ITIH6: variants seen among roughly 807,000 people sequenced by gnomAD.
ITIH6 encodes the protein inter-alpha-trypsin inhibitor heavy chain family member 6, also known as inter-alpha-trypsin inhibitor heavy chain H6.
Under a neutral mutation model 58.2 loss-of-function variants are expected in ITIH6, and 60 were observed. The observed-to-expected ratio is 1.03, with a 90% CI of 0.84 to 1.28. ITIH6 has a LOEUF of 1.28. Among genes scored for constraint, ITIH6 ranks in the 50% most tolerant of loss-of-function variants. The pLI, the probability that ITIH6 is intolerant of heterozygous loss-of-function variation, is 0.00. For missense variants in ITIH6, 1,290 were observed against 1,021.1 expected (o/e 1.26, Z -3.59); for synonymous variants, 493 against 417.4 (o/e 1.18, Z -2.21).
chrX:54,758,791 G>A lies in ITIH6; in HGVS notation c.1283C>T (p.Ala428Val). 1 of 1,209,633 alleles carries A rather than the reference G, an allele frequency of 8.3e-7. No homozygotes were observed. Among genetic ancestry groups the A allele is most frequent in the Non-Finnish European group, 1.1e-6 (1 of 894,009 alleles). The change falls in exon 8 of 13, where the codon GCC becomes GTC. Residue 428 changes from alanine (A) to valine (V), a missense_variant. Physicochemically the swap from Ala to Val is moderately conservative, Grantham distance 64. Transcript: ENST00000218436. ...LGHRVSLFSLAFGDDADFTLL... is the reference protein window; with the variant it reads ...LGHRVSLFSLVFGDDADFTLL... The stretch of plus-strand genomic sequence containing the variant: ...TGTAAAGTCAGCATCATCCCCAAAG[G>A]CCAAGCTGAAAAGGGATACCCTGTG...
chrX:54,762,903 C>G (rs760651951), intron 6 of ITIH6, among the ~76,000 whole-genome samples: 3 of 111,750 alleles, frequency 2.7e-5, no homozygotes, highest in African/African-American at 9.8e-5. Flanking sequence ...AGGCACTGTG[C>G]TTAACCCTTT....
chrX:54,794,225 C>T (rs1929400759), intron 2 of ITIH6, among the ~76,000 whole-genome samples: 1 of 110,736 alleles, frequency 9.0e-6, no homozygotes, highest in Non-Finnish European at 1.9e-5. Flanking sequence ...GCTGGTCTGG[C>T]AGCAGGACAC....
chrX:54,798,181 G>A lies in ITIH6; in HGVS notation c.30C>T (p.Val10=). The A allele has an allele frequency of 8.5e-7, 1 of 1,183,174 alleles. No homozygotes were observed. The highest frequency in any genetic ancestry group is 1.8e-5 in the African/African-American group (1 of 56,760). The change falls in exon 1 of 13, where the codon GTC becomes GTT. Residue 10 remains valine (V), a synonymous_variant. Transcript: ENST00000218436. ...CAAGAAGAATGGTCAGCAAAAAGCT[G>A]ACACAGATGAGGTACCTCCACCCAG... The part of the protein sequence containing the change: MSGWRYLIC[V]SFLLTILLEL...
chrX:54,765,514 G>A (rs779159528), intron 6 of ITIH6, among the ~76,000 whole-genome samples: 10 of 109,598 alleles, frequency 9.1e-5, no homozygotes, highest in Admixed American at 2.9e-4. Context: ...TTATTAAATA[G>A]GGAATCATTT....
chrX:54,751,045 C>T lies in ITIH6; in HGVS notation c.3688G>A (p.Ala1230Thr). The T allele has an allele frequency of 1.7e-6, 2 of 1,185,103 alleles. No individual in the cohort carries two copies. The highest frequency in any genetic ancestry group is 2.3e-6 in the Non-Finnish European group (2 of 882,083). The change falls in exon 12 of 13, where the codon GCC becomes ACC. Residue 1230 changes from alanine (A) to threonine (T), a missense_variant. Ala to Thr is a moderately conservative substitution (Grantham distance 58). Transcript: ENST00000218436. ...LQLPHLGFYV[A>T]NGSGLSPSAR... ...GAGGGGCTGAGGCCTGAGCCATTGG[C>T]CACGTAGAACCCCAGGTGGGGTAGT...
At chrX:54,765,872 C>A (rs981693217) in intron 6 of ITIH6, among the ~76,000 whole-genome samples, 4 of 110,252 alleles carry the variant, frequency 3.6e-5, no homozygotes, top group Non-Finnish European at 7.6e-5. Flanking sequence ...CTTGGCAATG[C>A]GGGCTCTTTT....
chrX:54,781,408 A>G (rs1454235131), intron 5 of ITIH6, among the ~76,000 whole-genome samples: 1 of 112,571 alleles, frequency 8.9e-6, no homozygotes, highest in Non-Finnish European at 1.9e-5. Context: ...AGCCACATTA[A>G]AAAGTAAGGA....
rs746382212 is a variant in ITIH6 at position 54,791,054 on chromosome X, G to A, written c.399C>T (p.Ser133=). 2 of 1,211,109 alleles carry A rather than the reference G, an allele frequency of 1.7e-6. No homozygotes were observed. Among genetic ancestry groups the A allele is most frequent in the Admixed American group, 4.3e-5 (2 of 46,078 alleles). The part of the protein sequence containing the change: ...RDRESEKFRI[S]TSLAAGTEVT... ...CCTCTGTGCCTGCTGCCAGGCTGGTGGAGATGCGGAACTTCTCTGATTCCC... is the reference window on the plus strand; with the variant it reads ...CCTCTGTGCCTGCTGCCAGGCTGGTAGAGATGCGGAACTTCTCTGATTCCC... Residue 133 remains serine (S), a synonymous_variant, in exon 4 of 13, where the codon TCC becomes TCT. Transcript: ENST00000218436.
At chrX:54,788,184 G>A (rs1257225904) in intron 5 of ITIH6, among the ~76,000 whole-genome samples, 1 of 111,775 alleles carries the variant, frequency 8.9e-6, no homozygotes, top group Admixed American at 9.5e-5. Flanking sequence ...CCCAATTAGT[G>A]GCCAAGGGTT....
chrX:54,755,186 C>G, intron 8 of ITIH6, 77 bp from the exon 9 acceptor site: 1 of 873,529 alleles, frequency 1.1e-6, no homozygotes, highest in Non-Finnish European at 1.7e-6. Flanking sequence ...ACAAGGAGAG[C>G]CCTCACTGGC....
At chrX:54,760,057 T>A in intron 6 of ITIH6, 130 bp from the exon 7 acceptor site, 1 of 521,772 alleles carries the variant, frequency 1.9e-6, no homozygotes, top group Non-Finnish European at 3.1e-6. Context: ...TGCAGGACTC[T>A]GTGAATCTAG....
At chrX:54,781,981 A>G (rs1432010596) in intron 5 of ITIH6, among the ~76,000 whole-genome samples, 2 of 111,890 alleles carry the variant, frequency 1.8e-5, no homozygotes, top group Non-Finnish European at 3.8e-5. Flanking sequence ...TAACACACGA[A>G]CAGAAAACCA....
At chrX:54,765,823 T>C (rs1381085236) in intron 6 of ITIH6, among the ~76,000 whole-genome samples, 2 of 109,634 alleles carry the variant, frequency 1.8e-5, no homozygotes, top group Middle Eastern at 4.7e-3. Flanking sequence ...AGTCAGGTAG[T>C]GTGATGCCTC....
In ITIH6 at chrX:54,757,589, G is replaced by A. The variant is rs765308086; in HGVS notation, c.2485C>T (p.Pro829Ser). 5 of 1,208,563 alleles carry A rather than the reference G, an allele frequency of 4.1e-6. No homozygotes were observed. In the African/African-American group the frequency reaches 8.8e-5, roughly 21 times the overall value. ...ATGTTGTTTCGGGTCTTGGGAGCAGGAACCCTAGGTCTGGTGTGTAGTGGG... is the reference window on the plus strand; with the variant it reads ...ATGTTGTTTCGGGTCTTGGGAGCAGAAACCCTAGGTCTGGTGTGTAGTGGG... ...KYPLHTRPRV[P>S]APKTRNNMPH... The change falls in exon 8 of 13, where the codon CCT becomes TCT. Residue 829 changes from proline to serine, a missense_variant. Pro to Ser is a moderately conservative substitution (Grantham distance 74, BLOSUM62 -1). Coordinates refer to ENST00000218436, the MANE Select transcript of ITIH6 (RefSeq NM_198510.3).
At chrX:54,772,474 C>G (rs1481995657) in intron 6 of ITIH6, among the ~76,000 whole-genome samples, 1 of 112,056 alleles carries the variant, frequency 8.9e-6, no homozygotes, top group Non-Finnish European at 1.9e-5. Context: ...TGTAACAAAC[C>G]TGCTCATGTA....
intron 5 of ITIH6, among the ~76,000 whole-genome samples, chrX:54,784,958 A>T (rs1929216173): frequency 8.9e-6 from 1 of 112,018 alleles, no homozygotes; most frequent in African/African-American, 3.2e-5. Flanking sequence ...GTTCATCAAC[A>T]GACGAATGTA....
chrX:54,796,932 G>T lies in ITIH6; in HGVS notation c.257+10C>A. 1 of 1,206,236 alleles carries T rather than the reference G, an allele frequency of 8.3e-7. No individual in the cohort carries two copies. The highest frequency in any genetic ancestry group is 1.1e-6 in the Non-Finnish European group (1 of 891,891). ...AATGAATGAAGTGGTGACTTTGGAAGCAGACTTACATAGTGAAATTGGAGA... is the reference window on the plus strand; with the variant it reads ...AATGAATGAAGTGGTGACTTTGGAATCAGACTTACATAGTGAAATTGGAGA... On this transcript the variant is annotated intron_variant, in intron 2 of 12. Coordinates refer to ENST00000218436, the MANE Select transcript of ITIH6 (RefSeq NM_198510.3).
chrX:54,784,807 G>C (rs1929213276), intron 5 of ITIH6, among the ~76,000 whole-genome samples: 1 of 111,450 alleles, frequency 9.0e-6, no homozygotes, highest in South Asian at 3.8e-4. Flanking sequence ...CTAAAAATTA[G>C]GGCTTCATCA....
At chrX:54,769,576 T>G (rs879426688) in intron 6 of ITIH6, among the ~76,000 whole-genome samples, 1,945 of 105,284 alleles carry the variant, frequency 0.018, 79 homozygotes, top group African/African-American at 0.066. Context: ...GTCCTTTCTG[T>G]TTGTTAGTTT....
Sources: allele counts gnomAD v4.1 joint callset (sites outside exome capture counted in the v4.1 genomes callset), GRCh38; gene constraint gnomAD v4.1.1; transcripts MANE v1.5; gene names NCBI Gene and HGNC (gene_info 2026-07-23, HGNC 2026-07-21).